The following ZFYVE28 variants were observed in gnomAD, a reference collection of about 807,000 sequenced individuals.
The protein encoded by ZFYVE28 is lateral signaling target protein 2 homolog.
In ZFYVE28, 40 loss-of-function variants were observed where a neutral mutation model predicts 82.1. The observed-to-expected ratio is 0.49, with a 90% CI of 0.38 to 0.63. ZFYVE28 has a LOEUF of 0.63. ZFYVE28 is among the 30% of genes least tolerant of loss of function. The pLI, the probability that ZFYVE28 is intolerant of heterozygous loss-of-function variation, is 0.00. For synonymous variants in ZFYVE28, 612 were observed against 546.1 expected (o/e 1.12, Z -1.68); for missense variants, 1,321 against 1,242.1 (o/e 1.06, Z -0.96).
intron 6 of ZFYVE28, chr4:2,330,911 C>T (rs916402863): frequency 1.3e-6 from 2 of 1,533,832 alleles, no homozygotes; most frequent in Non-Finnish European, 1.7e-6. Context: ...CGGCAAGGGT[C>T]TGAGCAGGGC....
intron 2 of ZFYVE28, among the ~76,000 whole-genome samples, chr4:2,346,887 G>C (rs1723682526): frequency 6.6e-6 from 1 of 151,456 alleles, no homozygotes; most frequent in African/African-American, 2.4e-5. Context: ...AGAAAAGATG[G>C]GACAAACAGA....
chr4:2,375,134 G>A (rs13135267), intron 1 of ZFYVE28, among the ~76,000 whole-genome samples: 101,682 of 152,130 alleles, frequency 0.67, 34,314 homozygotes, highest in East Asian at 0.8. Context: ...CTGGGCTCAC[G>A]TCCCCTTCCC....
At chr4:2,295,148 C>G (rs895319815) in intron 8 of ZFYVE28, among the ~76,000 whole-genome samples, 19 of 142,492 alleles carry the variant, frequency 1.3e-4, no homozygotes, top group African/African-American at 4.4e-4. Context: ...TTCAATAAAG[C>G]CATTTACAAC....
chr4:2,371,267 C>T (rs1184053824), intron 1 of ZFYVE28, among the ~76,000 whole-genome samples: 1 of 152,178 alleles, frequency 6.6e-6, no homozygotes, highest in Non-Finnish European at 1.5e-5. Flanking sequence ...GCGTCGTGCT[C>T]CCTGGCACAT....
Position 2,271,419 on chromosome 4 carries a change from CACA to C in ZFYVE28, c.2429-8_2429-6del. The C allele has an allele frequency of 6.2e-7, 1 of 1,612,260 alleles. No homozygotes were observed. The highest frequency in any genetic ancestry group is 8.5e-7 in the Non-Finnish European group (1 of 1,179,538). Reference sequence around the variant, plus strand: ...CTGGCACCCACTCCGGGGGGTCTGTCACAACAACAGCAGCGTCACATCAGCGAC... The same window carrying C: ...CTGGCACCCACTCCGGGGGGTCTGTCACAACAGCAGCGTCACATCAGCGAC... On this transcript the variant is annotated splice_polypyrimidine_tract_variant and splice_region_variant and intron_variant, in intron 11 of 12. Transcript: ENST00000290974.
At chr4:2,308,795 G>C (rs939447066) in intron 7 of ZFYVE28, among the ~76,000 whole-genome samples, 4 of 152,170 alleles carry the variant, frequency 2.6e-5, no homozygotes, top group Non-Finnish European at 5.9e-5. Flanking sequence ...AAGCTAGCTA[G>C]CTTCTGGGAT....
At chr4:2,310,341 A>G (rs1441168074) in intron 7 of ZFYVE28, among the ~76,000 whole-genome samples, 5 of 151,974 alleles carry the variant, frequency 3.3e-5, no homozygotes, top group Non-Finnish European at 1.5e-5. Flanking sequence ...GCCCAGATAT[A>G]TTTCTCTTGG....
At chr4:2,333,638 C>T (rs959415380) in intron 6 of ZFYVE28, among the ~76,000 whole-genome samples, 11 of 152,050 alleles carry the variant, frequency 7.2e-5, no homozygotes, top group South Asian at 2.1e-4. Context: ...CATGAGTGGG[C>T]GGGTGGCTTG....
At chr4:2,367,850 C>T (rs1422405595) in intron 1 of ZFYVE28, among the ~76,000 whole-genome samples, 1 of 152,300 alleles carries the variant, frequency 6.6e-6, no homozygotes. Context: ...AAGGACCTAA[C>T]GGACTTAAGA....
intron 6 of ZFYVE28, among the ~76,000 whole-genome samples, chr4:2,326,907 A>G (rs961859626): frequency 6.6e-6 from 1 of 152,080 alleles, no homozygotes; most frequent in African/African-American, 2.4e-5. Flanking sequence ...TATATTCATT[A>G]TTAGTCCTAA....
intron 1 of ZFYVE28, among the ~76,000 whole-genome samples, chr4:2,388,336 C>G (rs1021586722): frequency 6.6e-6 from 1 of 152,204 alleles, no homozygotes; most frequent in African/African-American, 2.4e-5. Flanking sequence ...CTGTCAACCC[C>G]AGCACAATTA....
At chr4:2,323,988 C>G (rs1363063229) in intron 6 of ZFYVE28, among the ~76,000 whole-genome samples, 2 of 152,094 alleles carry the variant, frequency 1.3e-5, no homozygotes, top group African/African-American at 2.4e-5. Flanking sequence ...TCCAGTTTCT[C>G]TTTTTATCTT....
rs1055572060 is a variant in ZFYVE28, at chr4:2,372,197, A to C, written c.40-18124T>G. Among the ~76,000 whole-genome samples, 1 of 152,154 alleles carries C rather than the reference A, an allele frequency of 6.6e-6. No individual in the cohort carries two copies. Among genetic ancestry groups the C allele is most frequent in the Admixed American group, 6.5e-5 (1 of 15,284 alleles). ...TATTCCCGTGACCAACAGGACCCAA[A>C]GGACCTTCCAGAGAACCAGAGGTTT... On this transcript the variant is annotated intron_variant, in intron 1 of 12. Coordinates refer to ENST00000290974, the MANE Select transcript of ZFYVE28 (RefSeq NM_020972.3). The surrounding 1 kb of genome is among the most constrained non-coding windows in gnomAD (Gnocchi z 5.2).
rs1721606261 is a variant in ZFYVE28 at position 2,335,873 on chromosome 4, A to G, written c.612-79T>C. ...AGGTTGGACCCCAGCAGGGACAGGCAGTGCGCTCAATCTGTACCTGCAGCC... is the reference window on the plus strand; with the variant it reads ...AGGTTGGACCCCAGCAGGGACAGGCGGTGCGCTCAATCTGTACCTGCAGCC... On this transcript the variant is annotated intron_variant, in intron 5 of 12. Coordinates refer to ENST00000290974, the MANE Select transcript of ZFYVE28 (RefSeq NM_020972.3). This position sits in a 1 kb window ranked among gnomAD's most constrained non-coding sequence, Gnocchi z 5.8. 7.9e-7 allele frequency: 1 copy of G among 1,266,638 alleles called. No homozygotes were observed. Among genetic ancestry groups the G allele is most frequent in the Admixed American group, 2.0e-5 (1 of 50,572 alleles). 78.5% of individuals were successfully genotyped at this position (1,266,638 alleles called of 1,614,324 possible). A position where few individuals can be genotyped will look rare whatever the true frequency, so the allele number is the denominator to read the frequency against.
Position 2,304,821 on chromosome 4 carries a change from G to C in ZFYVE28, c.1519C>G (p.Arg507Gly). 6.2e-7 allele frequency: 1 copy of C among 1,612,640 alleles called. No homozygotes were observed. The highest frequency in any genetic ancestry group is 8.5e-7 in the Non-Finnish European group (1 of 1,179,946). ...DAETAEMIAH[R>G]TGGMKLSATV... is the part of the protein sequence containing the mutation. ...GCTGAGAGCTTCATGCCCCCTGTCC[G>C]GTGGGCGATCATCTCAGCCGTCTCT... The change falls in exon 8 of 13, where the codon CGG becomes GGG. Residue 507 changes from arginine (R) to glycine (G), a missense_variant. This residue lies in a region of ZFYVE28 where 978 missense variants were observed against 833.7 expected (regional missense o/e 1.17). Coordinates refer to ENST00000290974, the MANE Select transcript of ZFYVE28 (RefSeq NM_020972.3).
At chr4:2,297,806 A>G (rs1263567381) in intron 8 of ZFYVE28, among the ~76,000 whole-genome samples, 258 of 95,716 alleles carry the variant, frequency 2.7e-3, no homozygotes, top group Middle Eastern at 0.025. Context: ...GAACGGCAGA[A>G]GACGAGTGGT....
At chr4:2,353,262 A>G (rs1170203606) in intron 2 of ZFYVE28, among the ~76,000 whole-genome samples, 1 of 152,178 alleles carries the variant, frequency 6.6e-6, no homozygotes, top group Non-Finnish European at 1.5e-5. Flanking sequence ...ACAGGGTGGG[A>G]CCCTCAGGAC....
At chr4:2,369,243 A>G (rs1006183053) in intron 1 of ZFYVE28, among the ~76,000 whole-genome samples, 6 of 152,290 alleles carry the variant, frequency 3.9e-5, no homozygotes, top group African/African-American at 1.4e-4. Context: ...CTGCTTTCTC[A>G]CATCAGAGCA....
intron 8 of ZFYVE28, among the ~76,000 whole-genome samples, chr4:2,302,197 G>GAAAATTGA (rs1577978025): frequency 6.6e-6 from 1 of 152,324 alleles, no homozygotes; most frequent in East Asian, 1.9e-4. Context: ...TTACATTTTT[G>GAAAATTGA]AAAATTGAAG....
Sources: gnomAD v4.1 joint callset for allele counts (sites outside exome capture counted in the v4.1 genomes callset) on GRCh38, gnomAD v4.1.1 for gene constraint, gnomAD v4.1.1 regional missense constraint, Gnocchi (gnomAD v3.1) non-coding constraint, MANE v1.5 for transcripts, NCBI Gene and HGNC (gene_info 2026-07-23, HGNC 2026-07-21) for gene names.